Variants in KCNT2 observed in about 807,000 individuals in gnomAD.
KCNT2 encodes potassium channel subfamily T member 2.
Under a neutral mutation model 153.8 loss-of-function variants are expected in KCNT2, and 67 were observed. That is an observed-to-expected ratio of 0.44 (90% CI 0.36 to 0.53). The LOEUF (loss-of-function observed/expected upper bound fraction) is 0.53, where lower values mean the gene tolerates loss of function less well. Ranked by LOEUF, KCNT2 falls within the 20% of genes least tolerant of loss-of-function variation. KCNT2 has a pLI of 0.00. For missense variants in KCNT2, 975 were observed against 1,354.8 expected, an observed-to-expected ratio of 0.72 and a Z score of 4.40; for synonymous variants, 500 against 458.8, an observed-to-expected ratio of 1.09 and a Z score of -1.15.
At chr1:196,593,389 C>G (rs955821284) in intron 1 of KCNT2, among the ~76,000 whole-genome samples, 20 of 150,162 alleles carry the variant, frequency 1.3e-4, no homozygotes, top group Non-Finnish European at 2.2e-4. Context: ...TTTATCCACT[C>G]ATTGATTGAA....
chr1:196,405,717 T>C (rs576223667), intron 12 of KCNT2, among the ~76,000 whole-genome samples: 2 of 151,658 alleles, frequency 1.3e-5, no homozygotes, highest in South Asian at 4.1e-4. Flanking sequence ...AAAATACATC[T>C]GCAGCACTTG....
intron 25 of KCNT2, among the ~76,000 whole-genome samples, chr1:196,261,141 C>G (rs1173718743): frequency 6.6e-6 from 1 of 151,746 alleles, no homozygotes; most frequent in Non-Finnish European, 1.5e-5. Flanking sequence ...AACATGCCAT[C>G]ATAATCTAGT....
intron 1 of KCNT2, among the ~76,000 whole-genome samples, chr1:196,496,294 C>G (rs1680246645): frequency 6.6e-6 from 1 of 151,872 alleles, no homozygotes; most frequent in East Asian, 1.9e-4. Context: ...ATGGTGAAAC[C>G]CCAGCTCTAC....
At chr1:196,380,955 C>T (rs1572235958) in intron 13 of KCNT2, among the ~76,000 whole-genome samples, 1 of 152,164 alleles carries the variant, frequency 6.6e-6, no homozygotes, top group African/African-American at 2.4e-5. Flanking sequence ...GATTGTGAGG[C>T]ATTCAACCAC....
chr1:196,334,397 T>G (rs1664786543), intron 16 of KCNT2, among the ~76,000 whole-genome samples: 1 of 151,508 alleles, frequency 6.6e-6, no homozygotes. Flanking sequence ...TATTTAAAAT[T>G]TATTCTTTTG....
chr1:196,413,880 G>GC (rs1252943550), intron 12 of KCNT2, among the ~76,000 whole-genome samples: 7 of 151,456 alleles, frequency 4.6e-5, no homozygotes, highest in South Asian at 2.1e-4. Flanking sequence ...ATTCAGAAAT[G>GC]CCCCCCTCCA....
chr1:196,535,941 C>T (rs779792743), intron 1 of KCNT2, among the ~76,000 whole-genome samples: 10 of 152,180 alleles, frequency 6.6e-5, no homozygotes, highest in Non-Finnish European at 8.8e-5. Flanking sequence ...GTCAGAAAGC[C>T]GCCTTGGCCT....
chr1:196,311,821 T>C (rs1662211941), intron 21 of KCNT2, among the ~76,000 whole-genome samples: 1 of 151,664 alleles, frequency 6.6e-6, no homozygotes, highest in Non-Finnish European at 1.5e-5. Flanking sequence ...AAAATGAAAA[T>C]AATGACAGAT....
intron 1 of KCNT2, among the ~76,000 whole-genome samples, chr1:196,509,994 G>A (rs1681479804): frequency 6.6e-6 from 1 of 152,038 alleles, no homozygotes; most frequent in Non-Finnish European, 1.5e-5. Flanking sequence ...GAACCATATA[G>A]AATATGATTG....
At chr1:196,291,796 A>T (rs1034339549) in intron 22 of KCNT2, among the ~76,000 whole-genome samples, 1 of 152,186 alleles carries the variant, frequency 6.6e-6, no homozygotes, top group South Asian at 2.1e-4. Flanking sequence ...TTGGAGAACC[A>T]GATATCATAG....
chr1:196,559,443 T>C (rs983588499), intron 1 of KCNT2, among the ~76,000 whole-genome samples: 2 of 151,718 alleles, frequency 1.3e-5, no homozygotes, highest in Non-Finnish European at 3.0e-5. Context: ...AAATGAACTA[T>C]GAATGTCATT....
Position 196,420,142 on chromosome 1 carries a change from T to C in KCNT2, c.1185+2908A>G, listed in dbSNP as rs113795704. On this transcript the variant is annotated intron_variant, in intron 12 of 27. Transcript: ENST00000294725. ...TGTTCTTAGGTTTACCTTCTAGGCTTTTTATTAAATTATTCATTTGTTATG... is the reference window on the plus strand; with the variant it reads ...TGTTCTTAGGTTTACCTTCTAGGCTCTTTATTAAATTATTCATTTGTTATG... 1.3e-3 allele frequency among the ~76,000 whole-genome samples: 197 copies of C among 152,162 alleles called. 1 individual carries two copies. Among genetic ancestry groups the C allele is most frequent in the African/African-American group, 4.1e-3 (172 of 41,552 alleles).
intron 8 of KCNT2, 52 bp downstream of exon 8, chr1:196,465,241 G>A (rs1372707020): frequency 1.0e-6 from 1 of 972,050 alleles, no homozygotes; most frequent in Non-Finnish European, 1.6e-6. Context: ...GTTTCCTTTA[G>A]AAATTATAAT....
chr1:196,267,985 T>C (rs111294026), intron 25 of KCNT2, among the ~76,000 whole-genome samples: 7,562 of 152,174 alleles, frequency 0.05, 286 homozygotes, highest in Non-Finnish European at 0.071. Flanking sequence ...GCATGGATGG[T>C]GGTATTGTGT....
intron 1 of KCNT2, among the ~76,000 whole-genome samples, chr1:196,508,993 G>T (rs774827987): frequency 2.0e-5 from 3 of 152,164 alleles, no homozygotes; most frequent in Admixed American, 2.0e-4. Flanking sequence ...AAAGGACCGG[G>T]CACAGTTGCT....
Position 196,425,091 on chromosome 1 carries a change from T to C in KCNT2, c.1121+761A>G, listed in dbSNP as rs1391917113. Among the ~76,000 whole-genome samples the C allele has an allele frequency of 4.0e-5, 6 of 151,772 alleles. No homozygotes were observed. In the East Asian group the frequency reaches 1.2e-3, roughly 29 times the overall value. On this transcript the variant is annotated intron_variant, in intron 11 of 27. Transcript: ENST00000294725. ...TTAAAACTTTAAAAACAGCAGAAAA[T>C]ATTGAGCAAAACCACTTTTGTTGAA...
intron 14 of KCNT2, among the ~76,000 whole-genome samples, chr1:196,371,993 T>C (rs901766614): frequency 6.6e-6 from 1 of 152,112 alleles, no homozygotes; most frequent in Non-Finnish European, 1.5e-5. Context: ...TAATTGGTGT[T>C]AAAATAATTT....
intron 1 of KCNT2, among the ~76,000 whole-genome samples, chr1:196,557,802 T>C (rs1333664179): frequency 6.6e-6 from 1 of 151,448 alleles, no homozygotes; most frequent in African/African-American, 2.4e-5. Flanking sequence ...CATGATCAAG[T>C]AGGTCAATAA....
At chr1:196,493,425 C>T (rs1262536225) in intron 1 of KCNT2, among the ~76,000 whole-genome samples, 3 of 151,778 alleles carry the variant, frequency 2.0e-5, no homozygotes, top group Non-Finnish European at 4.4e-5. Flanking sequence ...CATTACAAAG[C>T]TGCTCATGCA....
Sources: gnomAD v4.1 joint callset for allele counts (sites outside exome capture counted in the v4.1 genomes callset) on GRCh38, gnomAD v4.1.1 for gene constraint, MANE v1.5 for transcripts, NCBI Gene and HGNC (gene_info 2026-07-23, HGNC 2026-07-21) for gene names.